The following XXYLT1 variants were observed in gnomAD, a reference collection of about 807,000 sequenced individuals.
XXYLT1 encodes the protein UDP-xylose:alpha-xyloside alpha-1,3-xylosyltransferase.
Under a neutral mutation model 28.9 loss-of-function variants are expected in XXYLT1, and 20 were observed. The observed-to-expected ratio is 0.69, with a 90% CI of 0.49 to 1.00. The LOEUF is 1.00. XXYLT1 is among the 50% of genes least tolerant of loss of function. The pLI is 0.00. For synonymous variants in XXYLT1, 257 were observed against 253.8 expected, an observed-to-expected ratio of 1.01 and a Z score of -0.12; for missense variants, 542 against 560.1, an observed-to-expected ratio of 0.97 and a Z score of 0.33.
intron 3 of XXYLT1, among the ~76,000 whole-genome samples, chr3:195,088,319 A>G (rs1293106256): frequency 6.7e-6 from 1 of 149,694 alleles, no homozygotes; most frequent in Non-Finnish European, 1.5e-5. Flanking sequence ...TGGTTCTCCC[A>G]GCACGCAGCT....
At chr3:195,227,317 G>A (rs1271626574) in intron 1 of XXYLT1, among the ~76,000 whole-genome samples, 3 of 152,128 alleles carry the variant, frequency 2.0e-5, no homozygotes, top group African/African-American at 7.2e-5. Flanking sequence ...TGTTCCATAG[G>A]CCAGTCCGAT....
intron 1 of XXYLT1, among the ~76,000 whole-genome samples, chr3:195,232,278 T>A (rs922961065): frequency 6.6e-6 from 1 of 152,130 alleles, no homozygotes; most frequent in Non-Finnish European, 1.5e-5. Flanking sequence ...CTCTCTTTTT[T>A]TTCTTAGTCT....
At chr3:195,235,264 C>T (rs923488532) in intron 1 of XXYLT1, among the ~76,000 whole-genome samples, 2 of 152,130 alleles carry the variant, frequency 1.3e-5, no homozygotes, top group African/African-American at 4.8e-5. Context: ...TTTACTATTT[C>T]ATTCTTCTAC....
Position 195,251,136 on chromosome 3 carries a change from G to A in XXYLT1, c.504+19419C>T, listed in dbSNP as rs113134633. Among the ~76,000 whole-genome samples the A allele has an allele frequency of 1.3e-3, 202 of 152,338 alleles. 1 individual carries two copies. Among genetic ancestry groups the A allele is most frequent in the African/African-American group, 4.6e-3 (190 of 41,580 alleles). ...ACAGCTGCAGGAAGGAGACAGCCAA[G>A]TCATCCTCGCACGAGGCCCCTGCTG... On this transcript the variant is annotated intron_variant, in intron 1 of 3. Transcript: ENST00000310380.
chr3:195,143,784 T>TTTTA (rs1553809415), intron 3 of XXYLT1, among the ~76,000 whole-genome samples: 4 of 113,872 alleles, frequency 3.5e-5, no homozygotes, highest in Middle Eastern at 4.3e-3. Context: ...TGTTCTCTCA[T>TTTTA]TATATATATA....
Position 195,096,845 on chromosome 3 carries a change from C to T in XXYLT1, c.786-26734G>A, listed in dbSNP as rs566175054. 2.6e-3 allele frequency among the ~76,000 whole-genome samples: 399 copies of T among 152,338 alleles called. 5 individuals carry two copies. The highest frequency in any genetic ancestry group is 9.2e-3 in the African/African-American group (384 of 41,564). On this transcript the variant is annotated intron_variant, in intron 3 of 3. Transcript: ENST00000310380. ...TCTTGACTGAAACTGTAGGTACTCA[C>T]GTCAACAGTAATGCCCACTCAGTCT...
rs181427778 is a variant in XXYLT1, at chr3:195,263,956, T to C, written c.504+6599A>G. On this transcript the variant is annotated intron_variant, in intron 1 of 3. Transcript: ENST00000310380. Reference sequence around the variant, plus strand: ...AGGAAGCACCCCTTCTTCATTGTTCTGTGCTTCTCTATGGAGGATGCTCTC... The same window carrying C: ...AGGAAGCACCCCTTCTTCATTGTTCCGTGCTTCTCTATGGAGGATGCTCTC... Among the ~76,000 whole-genome samples the C allele has an allele frequency of 1.1e-3, 162 of 152,350 alleles. 1 individual carries two copies. The highest frequency in any genetic ancestry group is 3.8e-3 in the African/African-American group (157 of 41,578).
chr3:195,155,618 C>A (rs1234164969), intron 3 of XXYLT1, among the ~76,000 whole-genome samples: 2 of 151,790 alleles, frequency 1.3e-5, no homozygotes, highest in African/African-American at 4.8e-5. Context: ...AAGTGGGGAA[C>A]TGAGACCTTG....
At chr3:195,169,869 A>ATATTTTTTTTTTTTAT (rs1165940696) in intron 2 of XXYLT1, among the ~76,000 whole-genome samples, 9 of 123,232 alleles carry the variant, frequency 7.3e-5, no homozygotes, top group African/African-American at 2.7e-4. Context: ...ATATATATAT[A>ATATTTTTTTTTTTTAT]TTTTTTTTTT....
rs142682093 is a variant in XXYLT1, at chr3:195,106,321, G to A, written c.786-36210C>T. Among the ~76,000 whole-genome samples the A allele has an allele frequency of 7.4e-3, 1,120 of 152,276 alleles. 12 individuals are homozygous for A. Among genetic ancestry groups the A allele is most frequent in the African/African-American group, 0.026 (1,069 of 41,544 alleles). On this transcript the variant is annotated intron_variant, in intron 3 of 3. Transcript: ENST00000310380. ...AGATGCTCTTGTTGTGTTTTTGATG[G>A]AGAGATGCTCTTGTTGTGTTTTTGA...
chr3:195,211,017 C>A (rs1272730940), intron 2 of XXYLT1, among the ~76,000 whole-genome samples: 1 of 152,158 alleles, frequency 6.6e-6, no homozygotes, highest in Admixed American at 6.5e-5. Flanking sequence ...TGTGACTAAC[C>A]CTAAGGAGTG....
rs1431876470 is a variant in XXYLT1, at chr3:195,069,988, G to C, written c.909C>G (p.Ser303=). The change falls in exon 4 of 4, where the codon TCC becomes TCG. Residue 303 remains serine (S), a synonymous_variant. Transcript: ENST00000310380. ...MLLNLEAMRQ[S]PLYSRLLEPA... is the part of the protein sequence containing the mutation. ...GCTCCAGCAGGCGGCTGTAGAGCGG[G>C]GACTGGCGCATGGCCTCCAGGTTCA... 5.6e-6 allele frequency: 9 copies of C among 1,608,888 alleles called. No homozygotes were observed. In the South Asian group the frequency reaches 8.8e-5, roughly 16 times the overall value.
intron 2 of XXYLT1, among the ~76,000 whole-genome samples, chr3:195,211,026 T>C (rs889042311): frequency 8.6e-5 from 13 of 151,784 alleles, no homozygotes; most frequent in African/African-American, 3.1e-4. Flanking sequence ...CCCTAAGGAG[T>C]GTTCAGAGTC....
intron 2 of XXYLT1, among the ~76,000 whole-genome samples, chr3:195,220,783 G>A (rs1297738186): frequency 6.6e-6 from 1 of 152,218 alleles, no homozygotes; most frequent in Non-Finnish European, 1.5e-5. Flanking sequence ...CTGTCAGGAG[G>A]CAGACACTAC....
intron 3 of XXYLT1, among the ~76,000 whole-genome samples, chr3:195,123,492 A>G (rs1718470227): frequency 6.6e-6 from 1 of 152,198 alleles, no homozygotes; most frequent in African/African-American, 2.4e-5. Context: ...ATAACAGAGA[A>G]GGCCTCCCTG....
At chr3:195,231,752 ATT>A (rs34130895) in intron 1 of XXYLT1, among the ~76,000 whole-genome samples, 14,212 of 143,184 alleles carry the variant, frequency 0.099, 1,248 homozygotes, top group African/African-American at 0.23. Context: ...ATGATGAATG[ATT>A]TTTTTTTTTT....
At chr3:195,184,870 TTCAAATGG>T in intron 2 of XXYLT1, 2 of 966,656 alleles carry the variant, frequency 2.1e-6, no homozygotes, top group Non-Finnish European at 2.5e-6. Flanking sequence ...ATGGTCTACA[TTCAAATGG>T]TAAGTTTGAT....
chr3:195,182,985 T>C (rs1253754924), intron 2 of XXYLT1, among the ~76,000 whole-genome samples: 1 of 152,250 alleles, frequency 6.6e-6, no homozygotes, highest in East Asian at 1.9e-4. Context: ...TTTTACACAC[T>C]TCATCTCCTT....
At chr3:195,109,284 G>A (rs1484322182) in intron 3 of XXYLT1, among the ~76,000 whole-genome samples, 1 of 152,182 alleles carries the variant, frequency 6.6e-6, no homozygotes, top group Non-Finnish European at 1.5e-5. Context: ...ACACCTTGAG[G>A]CACACTCTCG....
Sources: allele counts gnomAD v4.1 joint callset (sites outside exome capture counted in the v4.1 genomes callset), GRCh38; gene constraint gnomAD v4.1.1; transcripts MANE v1.5; gene names NCBI Gene and HGNC (gene_info 2026-07-23, HGNC 2026-07-21).